TRAM1: variants seen among roughly 807,000 people sequenced by gnomAD.
The protein encoded by TRAM1 is translocation associated membrane protein 1, also known as translocating chain-associated membrane protein 1.
TRAM1 carries 17 observed loss-of-function variants against 48.7 expected under a neutral mutation model. That is an observed-to-expected ratio of 0.35 (90% CI 0.24 to 0.52). The LOEUF (loss-of-function observed/expected upper bound fraction) is 0.52. Ranked by LOEUF, TRAM1 falls within the 20% of genes least tolerant of loss-of-function variation. The pLI is 0.94. For missense variants in TRAM1, 351 were observed against 441.5 expected (o/e 0.79, Z 1.84); for synonymous variants, 182 against 154.0 (o/e 1.18, Z -1.34).
intron 10 of TRAM1, among the ~76,000 whole-genome samples, chr8:70,582,839 G>C (rs141357718): frequency 1.3e-5 from 2 of 152,282 alleles, no homozygotes; most frequent in African/African-American, 2.4e-5. Context: ...ATGTGAATAA[G>C]ATGCTTGAAA....
At position 70,583,631 on chromosome 8, in the gene TRAM1, A is replaced by AC; in HGVS notation, c.890+18_890+19insG. ...TTATCTAGCTGTATAAAGTGAAAAA[A>AC]ATGTTAAATTGATCGTACCTAACAG... is the stretch of plus-strand genomic sequence containing the variant. On this transcript the variant is annotated intron_variant, in intron 9 of 10. Coordinates refer to ENST00000262213, the MANE Select transcript of TRAM1 (RefSeq NM_014294.6). The AC allele has an allele frequency of 1.9e-6, 3 of 1,602,704 alleles. No individual in the cohort carries two copies. Among genetic ancestry groups the AC allele is most frequent in the Non-Finnish European group, 2.5e-6 (3 of 1,177,306 alleles).
At chr8:70,577,163 G>A (rs1043891370) in intron 10 of TRAM1, among the ~76,000 whole-genome samples, 1 of 152,176 alleles carries the variant, frequency 6.6e-6, no homozygotes, top group African/African-American at 2.4e-5. Flanking sequence ...TTTGGGTGCT[G>A]ATGAGCACGA....
Position 70,598,028 on chromosome 8 carries a change from C to T in TRAM1, c.310-17G>A. The T allele has an allele frequency of 6.4e-7, 1 of 1,550,878 alleles. No homozygotes were observed. The highest frequency in any genetic ancestry group is 1.7e-4 in the Middle Eastern group (1 of 5,850). Reference sequence around the variant, plus strand: ...GTTAATTTTCTAAAAATAAAAACAGCCATTAGTAATTAAGAATAAATTATA... The same window carrying T: ...GTTAATTTTCTAAAAATAAAAACAGTCATTAGTAATTAAGAATAAATTATA... On this transcript the variant is annotated splice_polypyrimidine_tract_variant and intron_variant, in intron 3 of 10. Coordinates refer to ENST00000262213, the MANE Select transcript of TRAM1 (RefSeq NM_014294.6).
At chr8:70,603,411 C>G (rs371203246) in intron 1 of TRAM1, among the ~76,000 whole-genome samples, 3 of 152,034 alleles carry the variant, frequency 2.0e-5, no homozygotes, top group African/African-American at 7.3e-5. Context: ...CACCTAAGAA[C>G]ACTTTGTTAA....
rs765371490 is a variant in TRAM1 at position 70,608,095 on chromosome 8, C to A, written c.105G>T (p.Leu35=). The A allele has an allele frequency of 9.4e-6, 15 of 1,597,700 alleles. No individual in the cohort carries two copies. The African/African-American group carries it at 1.8e-4, about 19-fold the overall frequency. Residue 35 remains leucine (L), a synonymous_variant, in exon 1 of 11, where the codon CTG becomes CTT. Transcript: ENST00000262213. ...GGCTCACCTCAAACATGAGCCCCAG[C>A]AGGAAGACCATCGCCACACAGGAGA... ...DIVSCVAMVF[L]LGLMFEITAK... is the part of the protein sequence containing the mutation.
chr8:70,596,334 A>G lies in TRAM1; in HGVS notation c.427-13T>C. ...AGATGTAGTTTTCCTAAGAAAGAAG[A>G]TATAAAAATTAACCTGTGAGCATAA... On this transcript the variant is annotated splice_polypyrimidine_tract_variant and intron_variant, in intron 4 of 10. Transcript: ENST00000262213. 1.3e-6 allele frequency: 2 copies of G among 1,585,740 alleles called. No individual in the cohort carries two copies. The highest frequency in any genetic ancestry group is 8.6e-7 in the Non-Finnish European group (1 of 1,166,702).
intron 2 of TRAM1, among the ~76,000 whole-genome samples, chr8:70,598,752 A>G (rs1479158814): frequency 1.3e-5 from 2 of 152,230 alleles, no homozygotes; most frequent in African/African-American, 4.8e-5. Context: ...GTTGTTTTTA[A>G]TCCTTGCAAT....
rs1051913488 is a variant in TRAM1, at chr8:70,607,251, C to T, written c.123+826G>A. ...AAATAAGTCATCAAAATACTAGATA[C>T]GTGGGAAGAGAATTTACACACTCCT... On this transcript the variant is annotated intron_variant, in intron 1 of 10. Transcript: ENST00000262213. 4 of 985,108 alleles carry T rather than the reference C, an allele frequency of 4.1e-6. No homozygotes were observed. The African/African-American group carries it at 5.2e-5, about 13-fold the overall frequency. 61.0% of individuals were successfully genotyped at this position (985,108 alleles called of 1,614,324 possible).
chr8:70,606,384 C>G (rs1719787688), intron 1 of TRAM1, among the ~76,000 whole-genome samples: 1 of 152,156 alleles, frequency 6.6e-6, no homozygotes, highest in Admixed American at 6.5e-5. Context: ...TTTGTAGAGA[C>G]AGGGTCTCCC....
chr8:70,581,775 A>G (rs1335099894), intron 10 of TRAM1, among the ~76,000 whole-genome samples: 1 of 152,268 alleles, frequency 6.6e-6, no homozygotes, highest in African/African-American at 2.4e-5. Context: ...GGTTCCATAC[A>G]ATGGAATATT....
intron 10 of TRAM1, among the ~76,000 whole-genome samples, chr8:70,580,509 C>T (rs1817053284): frequency 6.6e-6 from 1 of 152,106 alleles, no homozygotes; most frequent in Admixed American, 6.5e-5. Flanking sequence ...TAACAACCTT[C>T]CATGATAAAA....
At chr8:70,601,552 T>C (rs555110848) in intron 1 of TRAM1, among the ~76,000 whole-genome samples, 1 of 152,220 alleles carries the variant, frequency 6.6e-6, no homozygotes, top group Non-Finnish European at 1.5e-5. Flanking sequence ...CATGCCTGTT[T>C]CCACTCATCA....
intron 10 of TRAM1, among the ~76,000 whole-genome samples, chr8:70,577,716 AAG>A (rs1267342887): frequency 6.6e-6 from 1 of 152,230 alleles, no homozygotes; most frequent in Admixed American, 6.5e-5. Flanking sequence ...GATGACAAGA[AAG>A]AGAGAAGAGC....
intron 8 of TRAM1, among the ~76,000 whole-genome samples, chr8:70,584,757 C>A (rs10094115): frequency 1.3e-5 from 2 of 151,972 alleles, no homozygotes; most frequent in Non-Finnish European, 2.9e-5. Flanking sequence ...GAACTACAAA[C>A]CACTGCTCAA....
chr8:70,605,901 T>G (rs1817709289), intron 1 of TRAM1, among the ~76,000 whole-genome samples: 1 of 152,218 alleles, frequency 6.6e-6, no homozygotes, highest in Non-Finnish European at 1.5e-5. Flanking sequence ...GGTGGTGGAC[T>G]TCCCTAGAAA....
Position 70,586,971 on chromosome 8 carries a change from C to A in TRAM1, c.670G>T (p.Val224Leu). Residue 224 changes from valine to leucine, a missense_variant, in exon 8 of 11, where the codon GTG (valine) becomes TTG (leucine). Coordinates refer to ENST00000262213, the MANE Select transcript of TRAM1 (RefSeq NM_014294.6). ...NLNHLGLVLL[V>L]LHYFVEFLFH... ...AGAAATTCAACAAAATAATGTAGCA[C>A]CAGAAGAACAAGTCCTAGATGATTC... is the stretch of plus-strand genomic sequence containing the variant. The A allele has an allele frequency of 6.2e-7, 1 of 1,613,630 alleles. No individual in the cohort carries two copies. The highest frequency in any genetic ancestry group is 2.2e-5 in the East Asian group (1 of 44,848).
chr8:70,588,178 C>T (rs1239221366), intron 6 of TRAM1, among the ~76,000 whole-genome samples: 2 of 152,146 alleles, frequency 1.3e-5, no homozygotes, highest in Non-Finnish European at 2.9e-5. Context: ...GATCATGCCA[C>T]TGTACTCCAG....
intron 6 of TRAM1, among the ~76,000 whole-genome samples, chr8:70,590,315 A>C (rs542608686): frequency 2.4e-4 from 37 of 152,302 alleles, no homozygotes; most frequent in African/African-American, 8.9e-4. Context: ...GACTAAAAAC[A>C]CTATTATAAA....
intron 6 of TRAM1, among the ~76,000 whole-genome samples, chr8:70,589,826 T>C (rs148979744): frequency 1.4e-4 from 21 of 152,252 alleles, no homozygotes; most frequent in East Asian, 7.7e-4. Flanking sequence ...GCATGGGTGA[T>C]AGAGCAAGAC....
Sources: gnomAD v4.1 joint callset for allele counts (sites outside exome capture counted in the v4.1 genomes callset) on GRCh38, gnomAD v4.1.1 for gene constraint, MANE v1.5 for transcripts, NCBI Gene and HGNC (gene_info 2026-07-23, HGNC 2026-07-21) for gene names.